NEGR1: variants seen among roughly 807,000 people sequenced by gnomAD.
NEGR1 encodes the protein IgLON family member 4.
NEGR1 carries 10 observed loss-of-function variants against 40.9 expected under a neutral mutation model. The observed-to-expected ratio is 0.24, with a 90% CI of 0.15 to 0.42. The LOEUF is 0.42. Among genes scored for constraint, NEGR1 ranks in the 10% least tolerant of loss-of-function variants. The probability of loss-of-function intolerance (pLI) is 1.00; values close to 1 mark genes in which losing one functional copy is unlikely to be tolerated. For synonymous variants in NEGR1, 185 were observed against 166.8 expected, an observed-to-expected ratio of 1.11 and a Z score of -0.84; for missense variants, 352 against 438.9, an observed-to-expected ratio of 0.80 and a Z score of 1.77.
chr1:71,895,175 C>T (rs1195197346), intron 2 of NEGR1, among the ~76,000 whole-genome samples: 1 of 152,024 alleles, frequency 6.6e-6, no homozygotes, highest in Non-Finnish European at 1.5e-5. Context: ...CTCTATTGTT[C>T]CAAGTTTTTG....
chr1:71,988,505 G>A (rs1269501143), intron 1 of NEGR1, among the ~76,000 whole-genome samples: 5 of 130,300 alleles, frequency 3.8e-5, no homozygotes, highest in Admixed American at 3.5e-4. Flanking sequence ...CGCCACTGCA[G>A]TCCGCAGTCC....
chr1:71,628,853 T>G (rs1179266377), intron 4 of NEGR1, among the ~76,000 whole-genome samples: 1 of 152,178 alleles, frequency 6.6e-6, no homozygotes, highest in Non-Finnish European at 1.5e-5. Context: ...TTTACTATTG[T>G]GAACAGTGCT....
chr1:72,189,880 T>C (rs1652754931), intron 1 of NEGR1, among the ~76,000 whole-genome samples: 1 of 151,614 alleles, frequency 6.6e-6, no homozygotes, highest in African/African-American at 2.4e-5. Flanking sequence ...AATTCAAATG[T>C]AGGGCTGTGT....
chr1:72,092,022 T>C (rs894338978), intron 1 of NEGR1, among the ~76,000 whole-genome samples: 2 of 152,060 alleles, frequency 1.3e-5, no homozygotes, highest in Non-Finnish European at 2.9e-5. Context: ...ACAGTGAGGG[T>C]TAGGGATTCA....
intron 1 of NEGR1, among the ~76,000 whole-genome samples, chr1:71,974,168 C>A (rs1570568984): frequency 6.6e-6 from 1 of 152,116 alleles, no homozygotes; most frequent in African/African-American, 2.4e-5. Context: ...TGCACATTAG[C>A]CACATTACTT....
chr1:72,187,852 T>C (rs1557569336), intron 1 of NEGR1, among the ~76,000 whole-genome samples: 2 of 151,366 alleles, frequency 1.3e-5, no homozygotes, highest in Non-Finnish European at 3.0e-5. Flanking sequence ...AGAAATTCAG[T>C]GGTAGTAGAG....
chr1:72,173,079 T>G (rs1652021829), intron 1 of NEGR1, among the ~76,000 whole-genome samples: 1 of 151,838 alleles, frequency 6.6e-6, no homozygotes, highest in Non-Finnish European at 1.5e-5. Flanking sequence ...TGGTCTTGGC[T>G]CACTGCAGCC....
chr1:71,435,433 G>A (rs1407022189), intron 6 of NEGR1, among the ~76,000 whole-genome samples: 1 of 152,032 alleles, frequency 6.6e-6, no homozygotes, highest in African/African-American at 2.4e-5. Context: ...CCAACCAAGA[G>A]GTAGCAGACA....
At chr1:72,099,386 T>C (rs934700701) in intron 1 of NEGR1, among the ~76,000 whole-genome samples, 2 of 152,020 alleles carry the variant, frequency 1.3e-5, no homozygotes, top group Non-Finnish European at 2.9e-5. Context: ...ATATGTACTC[T>C]TCATTACTTA....
intron 6 of NEGR1, among the ~76,000 whole-genome samples, chr1:71,450,179 C>T (rs576456403): frequency 1.5e-4 from 22 of 151,446 alleles, no homozygotes; most frequent in Admixed American, 9.2e-4. Context: ...TTAGTAGAGA[C>T]GGGGTTTCAC....
At chr1:71,778,126 G>C (rs1045930264) in intron 2 of NEGR1, among the ~76,000 whole-genome samples, 1 of 151,556 alleles carries the variant, frequency 6.6e-6, no homozygotes, top group Non-Finnish European at 1.5e-5. Flanking sequence ...TTTAGTTGTA[G>C]GTATAGGTTT....
intron 4 of NEGR1, among the ~76,000 whole-genome samples, chr1:71,618,846 C>T (rs1442942971): frequency 1.3e-5 from 2 of 152,012 alleles, no homozygotes; most frequent in Admixed American, 1.3e-4. Flanking sequence ...TCACAGCGTT[C>T]TATAAGGTTT....
chr1:72,087,438 A>AT (rs1335349775), intron 1 of NEGR1, among the ~76,000 whole-genome samples: 146 of 150,620 alleles, frequency 9.7e-4, no homozygotes, highest in South Asian at 1.9e-3. Context: ...CTCAAAAAAA[A>AT]AATATATATA....
At chr1:72,029,305 C>A (rs1394879007) in intron 1 of NEGR1, among the ~76,000 whole-genome samples, 1 of 151,726 alleles carries the variant, frequency 6.6e-6, no homozygotes, top group African/African-American at 2.4e-5. Context: ...CATAGTGAGA[C>A]CTGCATCTCT....
At chr1:72,250,108 C>T (rs1345118689) in intron 1 of NEGR1, among the ~76,000 whole-genome samples, 1 of 152,144 alleles carries the variant, frequency 6.6e-6, no homozygotes, top group Non-Finnish European at 1.5e-5. Flanking sequence ...TTCCACAGTT[C>T]CATCAATTGA....
chr1:71,439,956 A>G (rs1646536223), intron 6 of NEGR1: 1 of 151,814 alleles, frequency 6.6e-6, no homozygotes, highest in South Asian at 2.1e-4. Flanking sequence ...CTTCCTTAGC[A>G]CTTGTGTTCA....
chr1:72,148,808 G>C (rs1158821898), intron 1 of NEGR1, among the ~76,000 whole-genome samples: 2 of 152,110 alleles, frequency 1.3e-5, no homozygotes, highest in African/African-American at 4.8e-5. Flanking sequence ...CTCCATCTGA[G>C]ACCACCTCAG....
chr1:71,771,747 A>G (rs1273960137), intron 3 of NEGR1, among the ~76,000 whole-genome samples: 2 of 136,262 alleles, frequency 1.5e-5, no homozygotes, highest in Non-Finnish European at 3.2e-5. Context: ...AGTTCATGCC[A>G]TAAAAATAAA....
intron 3 of NEGR1, among the ~76,000 whole-genome samples, chr1:71,712,837 A>C (rs1654147335): frequency 2.0e-5 from 3 of 151,890 alleles, no homozygotes; most frequent in Non-Finnish European, 4.4e-5. Context: ...GGTTGTTTGA[A>C]AGTGTGTGGC....
Sources: allele counts gnomAD v4.1 joint callset (sites outside exome capture counted in the v4.1 genomes callset), GRCh38; gene constraint gnomAD v4.1.1; transcripts MANE v1.5; gene names NCBI Gene and HGNC (gene_info 2026-07-23, HGNC 2026-07-21).